The following PKD1L1 variants were observed in gnomAD, a reference collection of about 807,000 sequenced individuals.
PKD1L1 encodes polycystin-1-like protein 1.
Under a neutral mutation model 323.4 loss-of-function variants are expected in PKD1L1, and 236 were observed. That is an observed-to-expected ratio of 0.73 (90% CI 0.66 to 0.81). The LOEUF (loss-of-function observed/expected upper bound fraction) is 0.81. PKD1L1 is among the 40% of genes least tolerant of loss of function. The probability of loss-of-function intolerance (pLI) is 0.00; values close to 1 mark genes in which losing one functional copy is unlikely to be tolerated. For synonymous variants in PKD1L1, 1,344 were observed against 1,335.0 expected (o/e 1.01, Z -0.15); for missense variants, 3,320 against 3,508.0 (o/e 0.95, Z 1.35).
intron 24 of PKD1L1, among the ~76,000 whole-genome samples, chr7:47,870,797 G>A (rs1194687332): frequency 6.6e-6 from 1 of 151,794 alleles, no homozygotes; most frequent in Non-Finnish European, 1.5e-5. Flanking sequence ...CCAGGAGTTC[G>A]AGACCAGCCT....
At position 47,943,516 on chromosome 7, in the gene PKD1L1, G is replaced by A; in HGVS notation, c.45-5C>T. 1 of 1,609,284 alleles carries A rather than the reference G, an allele frequency of 6.2e-7. No individual in the cohort carries two copies. The highest frequency in any genetic ancestry group is 1.3e-5 in the African/African-American group (1 of 74,880). ...CAGCAGGCAGCCTGGAGACACCTAA[G>A]GGAAAGAAAATAACCAGAGGAAAAT... On this transcript the variant is annotated splice_polypyrimidine_tract_variant and splice_region_variant and intron_variant, in intron 1 of 56. Transcript: ENST00000289672.
chr7:47,880,996 C>T (rs969305355), intron 20 of PKD1L1, among the ~76,000 whole-genome samples, 191 bp from the exon 21 acceptor site: 6 of 151,882 alleles, frequency 4.0e-5, no homozygotes, highest in Non-Finnish European at 7.4e-5. Flanking sequence ...TCCTGCCCAA[C>T]AGAAGCATTA....
rs551347382 is a variant in PKD1L1, at chr7:47,866,672, C to T, written c.3897-58G>A. 4 of 1,434,166 alleles carry T rather than the reference C, an allele frequency of 2.8e-6. No homozygotes were observed. The Admixed American group carries it at 6.3e-5, about 23-fold the overall frequency. 88.8% of individuals were successfully genotyped at this position (1,434,166 alleles called of 1,614,324 possible). ...CCAACACACGGCAAAACTTTTCACC[C>T]TGACTACCAAGAGTGGGATGGGATT... On this transcript the variant is annotated intron_variant, in intron 24 of 56. Transcript: ENST00000289672.
intron 31 of PKD1L1, among the ~76,000 whole-genome samples, chr7:47,851,602 T>G (rs575430068): frequency 6.6e-6 from 1 of 152,194 alleles, no homozygotes; most frequent in African/African-American, 2.4e-5. Flanking sequence ...GGGTGACAGT[T>G]TGTAAGGCAA....
At chr7:47,841,214 T>C (rs1290081287) in intron 34 of PKD1L1, among the ~76,000 whole-genome samples, 1 of 152,260 alleles carries the variant, frequency 6.6e-6, no homozygotes, top group Non-Finnish European at 1.5e-5. Context: ...GTGTGTATGA[T>C]GTAAAGATTT....
At chr7:47,910,826 T>TTGTGTGTGTGTGTGTGTG (rs60550498) in intron 8 of PKD1L1, among the ~76,000 whole-genome samples, 1,833 of 126,080 alleles carry the variant, frequency 0.015, 59 homozygotes, top group African/African-American at 0.044. Flanking sequence ...CCAGCTGATT[T>TTGTGTGTGTGTGTGTGTG]TGTGTGTGTG....
In PKD1L1 at chr7:47,890,542, C is replaced by T. The variant is rs1453212874; in HGVS notation, c.2675G>A (p.Arg892Lys). The change falls in exon 16 of 57, where the codon AGA becomes AAA. Residue 892 changes from arginine to lysine, a missense_variant and splice_region_variant. Physicochemically the swap from Arg to Lys is conservative, Grantham distance 26. Coordinates refer to ENST00000289672, the MANE Select transcript of PKD1L1 (RefSeq NM_138295.5). ...CTGTGCTGAATACAGGGTCAGGTAC[C>T]TGAACGCCGAGTCAGGGTAGGGGGA... ...FLSPYPDSAF[R>K]FVHISWVSFK... 4 of 1,613,962 alleles carry T rather than the reference C, an allele frequency of 2.5e-6. No homozygotes were observed. The highest frequency in any genetic ancestry group is 3.4e-6 in the Non-Finnish European group (4 of 1,179,974).
intron 54 of PKD1L1, 68 bp downstream of exon 54, chr7:47,800,581 G>T: frequency 6.6e-7 from 1 of 1,511,162 alleles, no homozygotes; most frequent in Non-Finnish European, 9.1e-7. Context: ...ATGGACCAGA[G>T]TTTCACCCCA....
Position 47,877,666 on chromosome 7 carries a change from G to A in PKD1L1, c.3521-35C>T, listed in dbSNP as rs758503027. ...AAGATGAAGCAGCGGTTTCACCCATGATGGAGAATTACAGCAGCATAGGAA... is the reference window on the plus strand; with the variant it reads ...AAGATGAAGCAGCGGTTTCACCCATAATGGAGAATTACAGCAGCATAGGAA... On this transcript the variant is annotated intron_variant, in intron 21 of 56. Coordinates refer to ENST00000289672, the MANE Select transcript of PKD1L1 (RefSeq NM_138295.5). 3.7e-6 allele frequency: 6 copies of A among 1,607,876 alleles called. No homozygotes were observed. The African/African-American group carries it at 6.7e-5, about 18-fold the overall frequency.
rs766719732 is a variant in PKD1L1 at position 47,929,353 on chromosome 7, G to A, written c.911C>T (p.Ala304Val). The A allele has an allele frequency of 1.2e-5, 19 of 1,614,146 alleles. No individual in the cohort carries two copies. In the South Asian group the frequency reaches 2.1e-4, roughly 18 times the overall value. Residue 304 changes from alanine to valine, a missense_variant, in exon 7 of 57, where the codon GCA (alanine) becomes GTA (valine). Transcript: ENST00000289672. ...AACACGGAATCCCAGATTTGGAGGT[G>A]CCCGAGCTTCCACTTCCAGGGAGCA... ...LNCSLEVEAR[A>V]PPNLGFRVHM...
intron 4 of PKD1L1, among the ~76,000 whole-genome samples, chr7:47,936,193 C>T (rs1787864234): frequency 6.6e-6 from 1 of 152,010 alleles, no homozygotes; most frequent in African/African-American, 2.4e-5. Context: ...ATAACATTTA[C>T]CATCTGAACC....
chr7:47,958,831 C>A, the PKD1L1 span, among the ~76,000 whole-genome samples: 1 of 151,148 alleles, frequency 6.6e-6, no homozygotes, highest in African/African-American at 2.5e-5. Flanking sequence ...TCCCCACGGT[C>A]TCCCTCTCCC....
chr7:47,931,751 T>C lies in PKD1L1; in HGVS notation c.519+185A>G, dbSNP rs17711348. Among the ~76,000 whole-genome samples, 15,275 of 152,288 alleles carry C rather than the reference T, an allele frequency of 0.1. 891 individuals carry two copies. The highest frequency in any genetic ancestry group is 0.2 in the South Asian group (963 of 4,826). On this transcript the variant is annotated intron_variant, in intron 5 of 56. Transcript: ENST00000289672. ...AGAAAGCAAAAATATTTTCCCTTAC[T>C]GTGGTGACAAATTTTAGAGATGCCT...
chr7:47,913,259 T>C (rs1344842583), intron 8 of PKD1L1, among the ~76,000 whole-genome samples: 9 of 152,044 alleles, frequency 5.9e-5, no homozygotes, highest in South Asian at 2.1e-4. Context: ...AAAAATCTAC[T>C]AGAGGACAAA....
chr7:47,853,442 C>T (rs1444162175), intron 30 of PKD1L1, among the ~76,000 whole-genome samples: 1 of 152,070 alleles, frequency 6.6e-6, no homozygotes, highest in African/African-American at 2.4e-5. Flanking sequence ...CCCTGCATCT[C>T]ATTAAAAACA....
chr7:47,953,806 C>A, the PKD1L1 span, among the ~76,000 whole-genome samples: 3 of 152,196 alleles, frequency 2.0e-5, 1 homozygote, highest in South Asian at 6.2e-4. Context: ...TGCTCTGCCT[C>A]CTTGGCAGGG....
In PKD1L1 at chr7:47,893,914, T is replaced by G; in HGVS notation, c.2417A>C (p.Gln806Pro). 1 of 1,614,000 alleles carries G rather than the reference T, an allele frequency of 6.2e-7. No homozygotes were observed. Among genetic ancestry groups the G allele is most frequent in the Non-Finnish European group, 8.5e-7 (1 of 1,180,000 alleles). The change falls in exon 15 of 57, where the codon CAG becomes CCG. Residue 806 changes from glutamine (Q) to proline (P), a missense_variant. Physicochemically the swap from Gln to Pro is moderately conservative, Grantham distance 76 (BLOSUM62 -1). Coordinates refer to ENST00000289672, the MANE Select transcript of PKD1L1 (RefSeq NM_138295.5). The stretch of plus-strand genomic sequence containing the variant: ...CCCAGGGTCGTCAGGGTCGAAGGAC[T>G]GGGTCCCTCTGAGGACAATGGGGGA... ...TSSPIVLRGT[Q>P]SFDPDDPGAT... is the part of the protein sequence containing the mutation.
chr7:47,903,794 A>T (rs1583662423), intron 12 of PKD1L1, among the ~76,000 whole-genome samples: 1 of 152,024 alleles, frequency 6.6e-6, no homozygotes, highest in Non-Finnish European at 1.5e-5. Flanking sequence ...GGGTCCTAGG[A>T]CTCACCCTAG....
chr7:47,827,501 C>T, intron 44 of PKD1L1, 33 bp from the exon 45 acceptor site: 1 of 1,567,352 alleles, frequency 6.4e-7, no homozygotes. Flanking sequence ...GAGCTGCGGG[C>T]TGGTGGGTGG....
Sources: gnomAD v4.1 joint callset for allele counts (sites outside exome capture counted in the v4.1 genomes callset) on GRCh38, gnomAD v4.1.1 for gene constraint, MANE v1.5 for transcripts, NCBI Gene and HGNC (gene_info 2026-07-23, HGNC 2026-07-21) for gene names.